Variants in CTNND1 observed in about 807,000 individuals in gnomAD.
The protein encoded by CTNND1 is catenin delta-1.
In CTNND1, 16 loss-of-function variants were observed where a neutral mutation model predicts 112.1. The ratio of observed to expected loss-of-function variants is 0.14; its 90% CI spans 0.10 to 0.22. The LOEUF (loss-of-function observed/expected upper bound fraction) is 0.22, where lower values mean the gene tolerates loss of function less well. Ranked by LOEUF, CTNND1 falls within the 10% of genes least tolerant of loss-of-function variation. The pLI, the probability that CTNND1 is intolerant of heterozygous loss-of-function variation, is 1.00. For synonymous variants in CTNND1, 420 were observed against 446.5 expected (o/e 0.94, Z 0.75); for missense variants, 1,008 against 1,257.0 (o/e 0.80, Z 3.00).
intron 4 of CTNND1, 50 bp downstream of exon 4, chr11:57,794,131 T>A: frequency 6.6e-7 from 1 of 1,524,506 alleles, no homozygotes; most frequent in South Asian, 1.1e-5. Flanking sequence ...TTTTCTTATT[T>A]CCCCAGCCTA....
At chr11:57,776,050 G>A (rs537524339) in intron 1 of CTNND1, among the ~76,000 whole-genome samples, 1 of 152,328 alleles carries the variant, frequency 6.6e-6, no homozygotes, top group South Asian at 2.1e-4. Context: ...GTTGTGGAAA[G>A]GAGAACATAA....
chr11:57,780,071 T>TTTTTTGTGACAGG (rs58673483), intron 1 of CTNND1, among the ~76,000 whole-genome samples: 1 of 129,196 alleles, frequency 7.7e-6, no homozygotes, highest in Non-Finnish European at 1.6e-5. Context: ...TTTTTTTTTT[T>TTTTTTGTGACAGG]GAGACAGGGT....
In CTNND1 at chr11:57,804,237, A is replaced by T. The variant is rs1042889224; in HGVS notation, c.1605-426A>T. On this transcript the variant is annotated intron_variant, in intron 8 of 20. Coordinates refer to ENST00000399050, the MANE Select transcript of CTNND1 (RefSeq NM_001085458.2). ...GTGAGGAAGGTCTGTTCTTTCTGTG[A>T]TGCCTTTCTCTTCTTATTTATCTTT... Among the ~76,000 whole-genome samples the T allele has an allele frequency of 6.6e-5, 10 of 152,326 alleles. No homozygotes were observed. The East Asian group carries it at 1.7e-3, about 26-fold the overall frequency.
At chr11:57,776,411 G>A (rs1410712955) in intron 1 of CTNND1, among the ~76,000 whole-genome samples, 1 of 152,138 alleles carries the variant, frequency 6.6e-6, no homozygotes, top group Non-Finnish European at 1.5e-5. Context: ...CACTCTTAAT[G>A]CTATGTGGGA....
At chr11:57,766,352 G>C (rs1187966396) in intron 1 of CTNND1, among the ~76,000 whole-genome samples, 1 of 152,132 alleles carries the variant, frequency 6.6e-6, no homozygotes, top group Non-Finnish European at 1.5e-5. Context: ...TTGGATATCA[G>C]TGTATTTTTT....
Position 57,789,040 on chromosome 11 carries a change from T to C in CTNND1, c.-210T>C. 7 of 1,534,764 alleles carry C rather than the reference T, an allele frequency of 4.6e-6. No homozygotes were observed. Among genetic ancestry groups the C allele is most frequent in the Non-Finnish European group, 6.1e-6 (7 of 1,145,972 alleles). On this transcript the variant is annotated 5_prime_UTR_variant, in exon 2 of 21. Coordinates refer to ENST00000399050, the MANE Select transcript of CTNND1 (RefSeq NM_001085458.2). ...TTTCCTTCAAATATTTCTGCAGCTC[T>C]CTCCTTCCTGCTTCCTCCTTGCTGT... is the stretch of plus-strand genomic sequence containing the variant.
intron 1 of CTNND1, among the ~76,000 whole-genome samples, chr11:57,766,926 A>T (rs1951208667): frequency 6.6e-6 from 1 of 150,868 alleles, no homozygotes; most frequent in Admixed American, 6.6e-5. Flanking sequence ...GACAATTTAG[A>T]TCAGGCATAT....
In CTNND1 at chr11:57,814,370, C is replaced by G; in HGVS notation, c.2698C>G (p.Leu900Val). ...CAATATGGGATCAAACACAAAATCA[C>G]TAGGTAGGTGATTAATTCCTGCCTA... ...MSNMGSNTKS[L>V]DNNYSTPNER... The change falls in exon 18 of 21, where the codon CTA (leucine) becomes GTA (valine). Residue 900 changes from leucine (L) to valine (V), a missense_variant. Physicochemically the swap from Leu to Val is conservative, Grantham distance 32. This residue lies in a region of CTNND1 where 106 missense variants were observed against 116.2 expected (regional missense o/e 0.91). Coordinates refer to ENST00000399050, the MANE Select transcript of CTNND1 (RefSeq NM_001085458.2). 6.2e-7 allele frequency: 1 copy of G among 1,608,226 alleles called. No homozygotes were observed. The highest frequency in any genetic ancestry group is 2.2e-5 in the East Asian group (1 of 44,812).
intron 15 of CTNND1, 81 bp from the exon 16 acceptor site, chr11:57,810,028 T>A (rs991117974): frequency 3.0e-6 from 3 of 1,011,590 alleles, no homozygotes; most frequent in Middle Eastern, 2.2e-4. Flanking sequence ...TTTATATTCT[T>A]ATGTTATTAG....
chr11:57,802,264 G>C (rs2062079124), intron 7 of CTNND1, 68 bp downstream of exon 7: 1 of 1,347,654 alleles, frequency 7.4e-7, no homozygotes, highest in African/African-American at 1.5e-5. Context: ...GAACTAGAGG[G>C]ATTTCCAGAC....
Position 57,819,063 on chromosome 11 carries a change from A to G in CTNND1, c.*2755A>G, listed in dbSNP as rs1457451815. 2.0e-5 allele frequency: 3 copies of G among 152,222 alleles called. No homozygotes were observed. Among genetic ancestry groups the G allele is most frequent in the Admixed American group, 2.0e-4 (3 of 15,276 alleles). The allele number at this position is 152,222 out of a possible 1,614,324, so 9.4% of individuals were successfully genotyped here. ...ATCAAGGGTTAAGATCTATGGGAAG[A>G]TACTTATTTTTCTGAGGTCCTTATG... On this transcript the variant is annotated 3_prime_UTR_variant, in exon 21 of 21. Coordinates refer to ENST00000399050, the MANE Select transcript of CTNND1 (RefSeq NM_001085458.2).
chr11:57,791,797 AT>A (rs1313020606), intron 3 of CTNND1, 124 bp downstream of exon 3: 11 of 1,095,520 alleles, frequency 1.0e-5, no homozygotes, highest in South Asian at 2.2e-5. Flanking sequence ...TCTTCCAGGG[AT>A]TTTTTTCCAG....
chr11:57,772,058 A>T (rs1952788894), intron 1 of CTNND1, among the ~76,000 whole-genome samples: 1 of 150,404 alleles, frequency 6.6e-6, no homozygotes, highest in African/African-American at 2.4e-5. Flanking sequence ...AGTAGCTGGG[A>T]CTATAGGCAT....
At chr11:57,808,142 G>T in intron 12 of CTNND1, 23 bp from the exon 13 acceptor site, 1 of 1,601,128 alleles carries the variant, frequency 6.2e-7, no homozygotes. Context: ...AGCACCCTCT[G>T]CTTCTATTTC....
chr11:57,789,368 T>A (rs1275157855), intron 2 of CTNND1, among the ~76,000 whole-genome samples: 1 of 152,172 alleles, frequency 6.6e-6, no homozygotes, highest in African/African-American at 2.4e-5. Flanking sequence ...CTTTCATAGC[T>A]ATAAGAGAGA....
At position 57,761,953 on chromosome 11, in the gene CTNND1, A is replaced by G; in HGVS notation, c.-380A>G. ...CGAAAGGAGGAAGAGGTGGCGAAAA[A>G]TCAACTGCCCTGCTGGATTTGTCTT... On this transcript the variant is annotated 5_prime_UTR_variant, in exon 1 of 21. Transcript: ENST00000399050. The G allele has an allele frequency of 2.0e-6, 2 of 985,480 alleles. No individual in the cohort carries two copies. The highest frequency in any genetic ancestry group is 2.4e-6 in the Non-Finnish European group (2 of 829,960). 61.0% of individuals were successfully genotyped at this position (985,480 alleles called of 1,614,324 possible). A position where few individuals can be genotyped will look rare whatever the true frequency, so the allele number is the denominator to read the frequency against.
Position 57,796,933 on chromosome 11 carries a change from G to A in CTNND1, c.897G>A (p.Met299Ile), listed in dbSNP as rs369793637. Reference protein sequence around the residue: ...MGYDDLDYGMMSDYGTARRTG... With the variant: ...MGYDDLDYGMISDYGTARRTG... Reference sequence around the variant, plus strand: ...ATGATGACCTGGATTATGGTATGATGTCTGATTATGGCACTGCCCGTCGGA... The same window carrying A: ...ATGATGACCTGGATTATGGTATGATATCTGATTATGGCACTGCCCGTCGGA... The change falls in exon 6 of 21, where the codon ATG (methionine) becomes ATA (isoleucine). Residue 299 changes from methionine (M) to isoleucine (I), a missense_variant. This residue lies in a region of CTNND1 where 404 missense variants were observed against 457.9 expected (regional missense o/e 0.88). Coordinates refer to ENST00000399050, the MANE Select transcript of CTNND1 (RefSeq NM_001085458.2). 41 of 1,566,320 alleles carry A rather than the reference G, an allele frequency of 2.6e-5. No individual in the cohort carries two copies. Among genetic ancestry groups the A allele is most frequent in the Non-Finnish European group, 3.4e-5 (39 of 1,150,366 alleles).
chr11:57,815,756 CT>C, intron 19 of CTNND1, 158 bp from the exon 20 acceptor site: 1 of 766,634 alleles, frequency 1.3e-6, no homozygotes. Context: ...CAAACATTAC[CT>C]TTTTCCTCTC....
intron 1 of CTNND1, among the ~76,000 whole-genome samples, chr11:57,779,164 AGGTAATGC>A (rs2059315513): frequency 6.6e-6 from 1 of 152,206 alleles, no homozygotes; most frequent in Non-Finnish European, 1.5e-5. Flanking sequence ...AGAAGGAAAC[AGGTAATGC>A]TGAGGTCCTT....
Sources: allele counts gnomAD v4.1 joint callset (sites outside exome capture counted in the v4.1 genomes callset), GRCh38; gene constraint gnomAD v4.1.1; regional missense constraint gnomAD v4.1.1; transcripts MANE v1.5; gene names NCBI Gene and HGNC (gene_info 2026-07-23, HGNC 2026-07-21).